Variants in HNF1B observed in about 807,000 individuals in gnomAD.
The protein encoded by HNF1B is hepatocyte nuclear factor 1-beta.
HNF1B carries 8 observed loss-of-function variants against 61.7 expected under a neutral mutation model. The observed-to-expected ratio is 0.13, with a 90% CI of 0.08 to 0.23. The LOEUF (loss-of-function observed/expected upper bound fraction) is 0.23. HNF1B is among the 10% of genes least tolerant of loss of function. HNF1B has a pLI of 1.00. For synonymous variants in HNF1B, 314 were observed against 287.7 expected, an observed-to-expected ratio of 1.09 and a Z score of -0.93; for missense variants, 562 against 714.5, an observed-to-expected ratio of 0.79 and a Z score of 2.43.
intron 4 of HNF1B, among the ~76,000 whole-genome samples, chr17:37,719,014 T>A (rs2033216821): frequency 6.6e-6 from 1 of 152,198 alleles, no homozygotes; most frequent in African/African-American, 2.4e-5. Flanking sequence ...CACAGCTCAC[T>A]GCAGCCTTGA....
chr17:37,686,691 C>T lies in HNF1B; in HGVS notation c.*681G>A, dbSNP rs1025390800. 3.0e-5 allele frequency: 5 copies of T among 166,704 alleles called. No homozygotes were observed. Among genetic ancestry groups the T allele is most frequent in the African/African-American group, 7.2e-5 (3 of 41,564 alleles). 10.3% of individuals were successfully genotyped at this position (166,704 alleles called of 1,614,324 possible). A position where few individuals can be genotyped will look rare whatever the true frequency, so the allele number is the denominator to read the frequency against. On this transcript the variant is annotated 3_prime_UTR_variant, in exon 9 of 9. Coordinates refer to ENST00000617811, the MANE Select transcript of HNF1B (RefSeq NM_000458.4). ...CTGTCCCCATAAGTGTCCAGGCCCG[C>T]GGGAGAGGACAAGGGGCTTCACTTC...
chr17:37,705,801 A>G (rs1368289901), intron 5 of HNF1B, among the ~76,000 whole-genome samples: 2 of 152,212 alleles, frequency 1.3e-5, no homozygotes, highest in African/African-American at 4.8e-5. Flanking sequence ...TTAAACAATA[A>G]CAGCTGTAAT....
chr17:37,710,856 T>C lies in HNF1B; in HGVS notation c.1046-193A>G, dbSNP rs1013349878. On this transcript the variant is annotated intron_variant, in intron 4 of 8. Coordinates refer to ENST00000617811, the MANE Select transcript of HNF1B (RefSeq NM_000458.4). The stretch of plus-strand genomic sequence containing the variant: ...GCATGTTCTCTATTTAATTCTAGAA[T>C]GTAAGCGCCACGAGGGCAGGAAATT... Among the ~76,000 whole-genome samples the C allele has an allele frequency of 9.2e-5, 14 of 152,252 alleles. 1 individual carries two copies. The East Asian group carries it at 2.5e-3, about 27-fold the overall frequency.
intron 4 of HNF1B, among the ~76,000 whole-genome samples, chr17:37,727,172 G>A (rs2033527155): frequency 1.3e-5 from 2 of 152,046 alleles, no homozygotes; most frequent in Admixed American, 6.6e-5. Context: ...CCTTGCTGCC[G>A]CCCTGCCCTC....
chr17:37,741,033 AC>A (rs2033976884), intron 1 of HNF1B, among the ~76,000 whole-genome samples: 1 of 152,228 alleles, frequency 6.6e-6, no homozygotes, highest in Non-Finnish European at 1.5e-5. Context: ...TATTTAACTT[AC>A]AAAAACCAGC....
intron 4 of HNF1B, among the ~76,000 whole-genome samples, chr17:37,728,044 G>A (rs978735866): frequency 7.2e-5 from 11 of 152,096 alleles, no homozygotes; most frequent in South Asian, 6.2e-4. Flanking sequence ...AGGTTGGAGT[G>A]GAGTGGAGTG....
intron 4 of HNF1B, among the ~76,000 whole-genome samples, chr17:37,721,263 C>T (rs913315837): frequency 2.6e-5 from 4 of 152,124 alleles, no homozygotes; most frequent in Admixed American, 6.5e-5. Context: ...CTCTAATGAT[C>T]CCTAATAAAG....
chr17:37,707,117 ATTT>A (rs3049485), intron 5 of HNF1B, among the ~76,000 whole-genome samples: 5 of 143,804 alleles, frequency 3.5e-5, no homozygotes, highest in Non-Finnish European at 4.5e-5. Flanking sequence ...ATTATTTTTA[ATTT>A]TTTTTTTTTT....
Position 37,743,728 on chromosome 17 carries a change from C to T in HNF1B, c.344+813G>A, listed in dbSNP as rs945490179. On this transcript the variant is annotated intron_variant, in intron 1 of 8. Coordinates refer to ENST00000617811, the MANE Select transcript of HNF1B (RefSeq NM_000458.4). ...GTCGGGGAGGACCCACAAACGATCCCGGCCCTGGGGATACACTGCCAGCCG... is the reference window on the plus strand; with the variant it reads ...GTCGGGGAGGACCCACAAACGATCCTGGCCCTGGGGATACACTGCCAGCCG... Among the ~76,000 whole-genome samples the T allele has an allele frequency of 1.1e-4, 16 of 152,332 alleles. No individual in the cohort carries two copies. In the South Asian group the frequency reaches 1.9e-3, roughly 18 times the overall value.
At chr17:37,689,457 G>A (rs1210800884) in intron 8 of HNF1B, among the ~76,000 whole-genome samples, 1 of 152,210 alleles carries the variant, frequency 6.6e-6, no homozygotes, top group African/African-American at 2.4e-5. Context: ...CATTAGGGAT[G>A]GGCTTCCCAG....
intron 4 of HNF1B, among the ~76,000 whole-genome samples, chr17:37,716,214 CA>C (rs2033103660): frequency 6.6e-6 from 1 of 152,152 alleles, no homozygotes; most frequent in Non-Finnish European, 1.5e-5. Context: ...AAGTTTATTT[CA>C]GAGACAGAGT....
At chr17:37,731,312 T>A (rs1296406318) in intron 4 of HNF1B, 5 of 574,636 alleles carry the variant, frequency 8.7e-6, no homozygotes, top group Non-Finnish European at 9.4e-6. Context: ...GACCGCTGAG[T>A]CAGCAGCCAC....
chr17:37,714,871 C>T (rs552219020), intron 4 of HNF1B, among the ~76,000 whole-genome samples: 16 of 152,230 alleles, frequency 1.1e-4, no homozygotes, highest in African/African-American at 3.6e-4. Context: ...AACAAAGTCA[C>T]ACCATGCCTC....
In HNF1B at chr17:37,733,540, G is replaced by C. The variant is rs767054882; in HGVS notation, c.809+17C>G. The C allele has an allele frequency of 6.2e-7, 1 of 1,614,148 alleles. No individual in the cohort carries two copies. Among genetic ancestry groups the C allele is most frequent in the South Asian group, 1.1e-5 (1 of 91,078 alleles). On this transcript the variant is annotated intron_variant, in intron 3 of 8. Coordinates refer to ENST00000617811, the MANE Select transcript of HNF1B (RefSeq NM_000458.4). ...TGTACTTGCCCACCTGCCCAGGTGA[G>C]CTTCTGGTGGTGTTACCTGTTGCAT...
intron 4 of HNF1B, among the ~76,000 whole-genome samples, chr17:37,726,394 G>A (rs1428104799): frequency 6.6e-6 from 1 of 152,220 alleles, no homozygotes; most frequent in Non-Finnish European, 1.5e-5. Context: ...GGTCACATAA[G>A]ATGATGCATG....
chr17:37,706,386 A>G (rs1444094254), intron 5 of HNF1B, among the ~76,000 whole-genome samples: 3 of 152,036 alleles, frequency 2.0e-5, no homozygotes, highest in African/African-American at 7.2e-5. Context: ...TGTCTGAGTA[A>G]CTCAACTTTC....
At chr17:37,697,002 C>A (rs913896329) in intron 8 of HNF1B, among the ~76,000 whole-genome samples, 5 of 152,114 alleles carry the variant, frequency 3.3e-5, no homozygotes, top group Non-Finnish European at 5.9e-5. Context: ...TTGTTCCTGA[C>A]CACAAAGACA....
At chr17:37,719,398 T>C (rs888233663) in intron 4 of HNF1B, among the ~76,000 whole-genome samples, 1 of 152,092 alleles carries the variant, frequency 6.6e-6, no homozygotes, top group African/African-American at 2.4e-5. Flanking sequence ...CTGGGTTGAT[T>C]TGGGGATAAG....
Position 37,699,109 on chromosome 17 carries a change from G to T in HNF1B, c.1620C>A (p.Ile540=). The T allele has an allele frequency of 6.2e-7, 1 of 1,614,036 alleles. No homozygotes were observed. Among genetic ancestry groups the T allele is most frequent in the Non-Finnish European group, 8.5e-7 (1 of 1,179,914 alleles). Residue 540 remains isoleucine, a synonymous_variant, in exon 8 of 9, where the codon ATC becomes ATA. Coordinates refer to ENST00000617811, the MANE Select transcript of HNF1B (RefSeq NM_000458.4). ...TTGAAGACATGTTGGTGAGTGTACTGATGCTGCTGGTATCTGTGACCACCA... is the reference window on the plus strand; with the variant it reads ...TTGAAGACATGTTGGTGAGTGTACTTATGCTGCTGGTATCTGTGACCACCA... ...SAMVVTDTSS[I]STLTNMSSSK... is the part of the protein sequence containing the mutation.
Sources: gnomAD v4.1 joint callset for allele counts (sites outside exome capture counted in the v4.1 genomes callset) on GRCh38, gnomAD v4.1.1 for gene constraint, MANE v1.5 for transcripts, NCBI Gene and HGNC (gene_info 2026-07-23, HGNC 2026-07-21) for gene names.